PTPRG: variants seen among roughly 807,000 people sequenced by gnomAD.
PTPRG encodes the protein receptor-type tyrosine-protein phosphatase gamma.
PTPRG carries 102 observed loss-of-function variants against 165.3 expected under a neutral mutation model. The ratio of observed to expected loss-of-function variants is 0.62; its 90% CI spans 0.53 to 0.73. The LOEUF is 0.73. Among genes scored for constraint, PTPRG ranks in the 30% least tolerant of loss-of-function variants. The pLI is 0.00. For synonymous variants in PTPRG, 675 were observed against 669.5 expected (o/e 1.01, Z -0.13); for missense variants, 1,866 against 1,861.4 (o/e 1.00, Z -0.05).
At position 62,099,497 on chromosome 3, in the gene PTPRG, T is replaced by G. The variant is rs190419259; in HGVS notation, c.615+21239T>G. Among the ~76,000 whole-genome samples, 110 of 152,272 alleles carry G rather than the reference T, an allele frequency of 7.2e-4. 1 individual carries two copies. The highest frequency in any genetic ancestry group is 2.5e-3 in the African/African-American group (104 of 41,562). Reference sequence around the variant, plus strand: ...AACATTTTGGAAATTATTAAATAAATTAGGTCCATCCTGAAGTTGGAATTA... The same window carrying G: ...AACATTTTGGAAATTATTAAATAAAGTAGGTCCATCCTGAAGTTGGAATTA... On this transcript the variant is annotated intron_variant, in intron 5 of 29. Coordinates refer to ENST00000474889, the MANE Select transcript of PTPRG (RefSeq NM_002841.4).
chr3:61,742,423 T>TTTTTAAATG, intron 1 of PTPRG: 2 of 1,283,568 alleles, frequency 1.6e-6, no homozygotes, highest in Non-Finnish European at 2.1e-6. Flanking sequence ...TTTTTTTTTT[T>TTTTTAAATG]GAACTGGTAA....
rs142222703 is a variant in PTPRG at position 61,893,726 on chromosome 3, T to G, written c.191-95899T>G. ...TGTGTTCACCATTTTATCATCAGGC[T>G]TTCAGTGGTGTATAATAAATATTTG... On this transcript the variant is annotated intron_variant, in intron 2 of 29. Transcript: ENST00000474889. 9.6e-4 allele frequency among the ~76,000 whole-genome samples: 147 copies of G among 152,340 alleles called. No homozygotes were observed. In the East Asian group the frequency reaches 0.025, roughly 26 times the overall value.
intron 1 of PTPRG, among the ~76,000 whole-genome samples, chr3:61,703,258 C>G (rs750225822): frequency 6.6e-6 from 1 of 152,046 alleles, no homozygotes; most frequent in Non-Finnish European, 1.5e-5. Context: ...ATTAAACTGC[C>G]TATCATTTTC....
At chr3:61,874,087 A>G (rs538421137) in intron 2 of PTPRG, among the ~76,000 whole-genome samples, 8 of 152,336 alleles carry the variant, frequency 5.3e-5, no homozygotes, top group Non-Finnish European at 1.0e-4. Flanking sequence ...AAGACACTCA[A>G]ATCAGACTCT....
At chr3:61,672,209 G>A (rs1374890711) in intron 1 of PTPRG, among the ~76,000 whole-genome samples, 7 of 132,032 alleles carry the variant, frequency 5.3e-5, no homozygotes, top group African/African-American at 2.1e-4. Flanking sequence ...GATGGCGGCC[G>A]GGCAGAGACG....
chr3:61,794,949 G>T (rs1382966647), intron 2 of PTPRG, among the ~76,000 whole-genome samples: 3 of 152,164 alleles, frequency 2.0e-5, no homozygotes, highest in Admixed American at 6.5e-5. Flanking sequence ...TACTAAGTTG[G>T]TGGTGGTGTA....
At chr3:62,171,266 C>CACCCT (rs1705205185) in intron 8 of PTPRG, among the ~76,000 whole-genome samples, 1 of 152,174 alleles carries the variant, frequency 6.6e-6, no homozygotes, top group Non-Finnish European at 1.5e-5. Context: ...ATTGGGCATA[C>CACCCT]ACCCAGGAGT....
chr3:61,684,528 G>A (rs13076077), intron 1 of PTPRG, among the ~76,000 whole-genome samples: 1 of 152,218 alleles, frequency 6.6e-6, no homozygotes, highest in East Asian at 1.9e-4. Context: ...CAAGCCCAGA[G>A]GGGCTCTGTC....
intron 1 of PTPRG, among the ~76,000 whole-genome samples, chr3:61,655,869 A>G (rs931102625): frequency 6.6e-6 from 1 of 152,272 alleles, no homozygotes; most frequent in Middle Eastern, 3.4e-3. Flanking sequence ...TGGCCAACCA[A>G]TTGTGAAACT....
chr3:61,682,637 C>A (rs1327224262), intron 1 of PTPRG, among the ~76,000 whole-genome samples: 1 of 152,156 alleles, frequency 6.6e-6, no homozygotes, highest in Non-Finnish European at 1.5e-5. Flanking sequence ...TCTTTCCCAC[C>A]CCTCAATTCT....
chr3:61,994,349 A>G (rs1259251582), intron 3 of PTPRG, among the ~76,000 whole-genome samples: 1 of 152,138 alleles, frequency 6.6e-6, no homozygotes, highest in Non-Finnish European at 1.5e-5. Flanking sequence ...TTTTTCTTAT[A>G]TCCCACACTG....
chr3:61,923,833 G>T (rs1559691800), intron 2 of PTPRG, among the ~76,000 whole-genome samples: 1 of 151,538 alleles, frequency 6.6e-6, no homozygotes, highest in Non-Finnish European at 1.5e-5. Flanking sequence ...ACTGTGCCCG[G>T]CTTTGTTGGT....
intron 2 of PTPRG, among the ~76,000 whole-genome samples, chr3:61,794,898 G>A (rs1245878867): frequency 1.3e-5 from 2 of 151,984 alleles, no homozygotes; most frequent in Non-Finnish European, 2.9e-5. Flanking sequence ...GATGGTATTT[G>A]GACTTATTTA....
chr3:61,736,512 TGAA>T (rs1320790108), intron 1 of PTPRG, among the ~76,000 whole-genome samples: 56 of 152,256 alleles, frequency 3.7e-4, no homozygotes, highest in African/African-American at 1.3e-3. Context: ...CTAATTCAGA[TGAA>T]GAAGGGTGAA....
chr3:62,102,070 A>G (rs989485614), intron 5 of PTPRG, among the ~76,000 whole-genome samples: 1 of 151,718 alleles, frequency 6.6e-6, no homozygotes, highest in East Asian at 1.9e-4. Context: ...CCCTATTGTT[A>G]CCGTATTCCT....
rs760713322 is a variant in PTPRG, at chr3:62,293,169, C to T, written c.4200C>T (p.Tyr1400=). ...RPGVFTDIEQ[Y]QFIYKAMLSL... is the part of the protein sequence containing the mutation. ...TTCCTCTTGTTTTTCAGGAACAATA[C>T]CAGTTCATCTATAAAGCAATGCTTA... Residue 1400 remains tyrosine, a synonymous_variant, in exon 30 of 30, where the codon TAC becomes TAT. Coordinates refer to ENST00000474889, the MANE Select transcript of PTPRG (RefSeq NM_002841.4). 1.3e-6 allele frequency: 2 copies of T among 1,588,672 alleles called. No homozygotes were observed. Among genetic ancestry groups the T allele is most frequent in the Admixed American group, 3.7e-5 (2 of 53,980 alleles).
At chr3:61,774,778 ATGGC>A (rs1459270198) in intron 2 of PTPRG, among the ~76,000 whole-genome samples, 1 of 152,180 alleles carries the variant, frequency 6.6e-6, no homozygotes, top group Non-Finnish European at 1.5e-5. Flanking sequence ...TCATCCACAT[ATGGC>A]TATTGAGCAG....
intron 5 of PTPRG, among the ~76,000 whole-genome samples, chr3:62,125,249 G>A (rs1703245348): frequency 6.6e-6 from 1 of 152,052 alleles, no homozygotes; most frequent in Admixed American, 6.5e-5. Context: ...TCCTATGGAG[G>A]GATTCTTTTT....
intron 3 of PTPRG, among the ~76,000 whole-genome samples, chr3:61,996,445 T>G (rs1442451678): frequency 6.6e-6 from 1 of 152,174 alleles, no homozygotes; most frequent in Non-Finnish European, 1.5e-5. Flanking sequence ...TACTCTGAGT[T>G]TTGTTTATGG....
Sources: allele counts gnomAD v4.1 joint callset (sites outside exome capture counted in the v4.1 genomes callset), GRCh38; gene constraint gnomAD v4.1.1; transcripts MANE v1.5; gene names NCBI Gene and HGNC (gene_info 2026-07-23, HGNC 2026-07-21).